The following KCNH1 variants were observed in gnomAD, a reference collection of about 807,000 sequenced individuals.
KCNH1 encodes the protein potassium voltage-gated channel subfamily H member 1, also known as voltage-gated delayed rectifier potassium channel KCNH1.
In KCNH1, 27 loss-of-function variants were observed where a neutral mutation model predicts 69.2. That is an observed-to-expected ratio of 0.39 (90% CI 0.29 to 0.54). The LOEUF (loss-of-function observed/expected upper bound fraction) is 0.54. Among genes scored for constraint, KCNH1 ranks in the 20% least tolerant of loss-of-function variants. The probability of loss-of-function intolerance (pLI) is 0.68; values close to 1 mark genes in which losing one functional copy is unlikely to be tolerated. For missense variants in KCNH1, 798 were observed against 1,261.6 expected, an observed-to-expected ratio of 0.63 and a Z score of 5.57; for synonymous variants, 456 against 487.7, an observed-to-expected ratio of 0.93 and a Z score of 0.86.
At chr1:210,957,319 G>A (rs1688198150) in intron 6 of KCNH1, among the ~76,000 whole-genome samples, 2 of 152,166 alleles carry the variant, frequency 1.3e-5, no homozygotes, top group East Asian at 1.9e-4. Context: ...TTGCTGAGGA[G>A]TCCTTTATGT....
chr1:210,785,866 A>G (rs1684090777), intron 9 of KCNH1, among the ~76,000 whole-genome samples: 1 of 152,098 alleles, frequency 6.6e-6, no homozygotes, highest in African/African-American at 2.4e-5. Context: ...TATGGAGCAG[A>G]CCCGCATAGG....
At chr1:211,027,481 G>T (rs928886801) in intron 5 of KCNH1, among the ~76,000 whole-genome samples, 1 of 151,982 alleles carries the variant, frequency 6.6e-6, no homozygotes, top group Admixed American at 6.6e-5. Flanking sequence ...GTACATGCCT[G>T]TAGTTTCAGC....
intron 6 of KCNH1, among the ~76,000 whole-genome samples, chr1:210,999,861 T>C (rs145818532): frequency 0.013 from 2,003 of 152,278 alleles, 49 homozygotes; most frequent in African/African-American, 0.045. Flanking sequence ...TGGTTCAACA[T>C]ACCCAAACCA....
At chr1:211,035,820 T>G (rs1334456800) in intron 5 of KCNH1, among the ~76,000 whole-genome samples, 2 of 152,214 alleles carry the variant, frequency 1.3e-5, no homozygotes, top group African/African-American at 4.8e-5. Flanking sequence ...TAGTTAACTA[T>G]CTGGCTCCAA....
At chr1:210,947,751 T>G (rs189639698) in intron 6 of KCNH1, among the ~76,000 whole-genome samples, 1 of 152,138 alleles carries the variant, frequency 6.6e-6, no homozygotes, top group Admixed American at 6.5e-5. Context: ...TGGGCAAAAA[T>G]TATAAGTTAT....
rs1681345673 is a variant in KCNH1 at position 210,684,045 on chromosome 1, G to C, written c.2206C>G (p.Pro736Ala). ...AATCTCTGGAAGAGGCGCCGGACAG[G>C]GTGGTCCGGGGGCAAGATCAGGGGG... is the stretch of plus-strand genomic sequence containing the variant. ...EAPLILPPDH[P>A]VRRLFQRFRQ... The change falls in exon 11 of 11, where the codon CCT (proline) becomes GCT (alanine). Residue 736 changes from proline to alanine, a missense_variant. This residue lies in a region of KCNH1 where 331 missense variants were observed against 363.2 expected (regional missense o/e 0.91). Coordinates refer to ENST00000271751, the MANE Select transcript of KCNH1 (RefSeq NM_172362.3). 6.4e-7 allele frequency: 1 copy of C among 1,555,710 alleles called. No homozygotes were observed. The highest frequency in any genetic ancestry group is 8.7e-7 in the Non-Finnish European group (1 of 1,148,494).
intron 6 of KCNH1, among the ~76,000 whole-genome samples, chr1:210,956,224 G>T (rs1044543886): frequency 8.5e-5 from 13 of 152,166 alleles, no homozygotes; most frequent in Non-Finnish European, 1.8e-4. Flanking sequence ...TGAGTATGTT[G>T]AATAAGACTT....
In KCNH1 at chr1:211,089,320, C is replaced by A. The variant is rs1052921317; in HGVS notation, c.439+1242G>T. On this transcript the variant is annotated intron_variant, in intron 4 of 10. Coordinates refer to ENST00000271751, the MANE Select transcript of KCNH1 (RefSeq NM_172362.3). ...TTCAAATTAGAAACTAGAAATCTGGCAATCATGAATCTGTAAGAAAAGGGA... is the reference window on the plus strand; with the variant it reads ...TTCAAATTAGAAACTAGAAATCTGGAAATCATGAATCTGTAAGAAAAGGGA... 2.0e-5 allele frequency among the ~76,000 whole-genome samples: 3 copies of A among 152,252 alleles called. No homozygotes were observed. In the East Asian group the frequency reaches 5.8e-4, roughly 29 times the overall value.
chr1:210,707,964 T>C (rs1423449206), intron 10 of KCNH1, among the ~76,000 whole-genome samples: 3 of 152,242 alleles, frequency 2.0e-5, no homozygotes, highest in Non-Finnish European at 4.4e-5. Flanking sequence ...TTAGCTATGA[T>C]ACTGGTGTAT....
At chr1:210,996,556 G>A (rs935630830) in intron 6 of KCNH1, among the ~76,000 whole-genome samples, 5 of 152,206 alleles carry the variant, frequency 3.3e-5, no homozygotes, top group Non-Finnish European at 5.9e-5. Context: ...CACCTCTAGG[G>A]GCAGGGCACA....
chr1:210,843,984 T>A (rs931994800), intron 7 of KCNH1, among the ~76,000 whole-genome samples: 6 of 152,148 alleles, frequency 3.9e-5, no homozygotes, highest in African/African-American at 1.2e-4. Context: ...TTCCCAAAGA[T>A]GCTGATTTAC....
intron 5 of KCNH1, among the ~76,000 whole-genome samples, chr1:211,049,845 A>G (rs931865957): frequency 1.1e-4 from 17 of 152,128 alleles, no homozygotes; most frequent in African/African-American, 3.6e-4. Context: ...GGGCCCTAAC[A>G]AGGGTCGCCA....
At chr1:210,781,524 CCT>C (rs1683985835) in intron 9 of KCNH1, among the ~76,000 whole-genome samples, 1 of 152,092 alleles carries the variant, frequency 6.6e-6, no homozygotes, top group Non-Finnish European at 1.5e-5. Context: ...GAAGGGGCAT[CCT>C]CTCTCCTGGC....
chr1:210,981,299 T>C (rs1688703890), intron 6 of KCNH1, among the ~76,000 whole-genome samples: 1 of 148,388 alleles, frequency 6.7e-6, no homozygotes, highest in African/African-American at 2.5e-5. Flanking sequence ...ATTAGAGACA[T>C]GATTGCTTCA....
intron 4 of KCNH1, among the ~76,000 whole-genome samples, chr1:211,085,220 T>C (rs1329484335): frequency 6.6e-6 from 1 of 152,000 alleles, no homozygotes; most frequent in Non-Finnish European, 1.5e-5. Context: ...GAACAAGACA[T>C]TCTGAATGGC....
chr1:210,744,733 C>T lies in KCNH1; in HGVS notation c.2112+30615G>A, dbSNP rs1400988206. On this transcript the variant is annotated intron_variant, in intron 10 of 10. Coordinates refer to ENST00000271751, the MANE Select transcript of KCNH1 (RefSeq NM_172362.3). ...TAATTCAGTTGATCTAGGGTGGGGTCATGAATTTACCTTTTTAATGAGGAA... is the reference window on the plus strand; with the variant it reads ...TAATTCAGTTGATCTAGGGTGGGGTTATGAATTTACCTTTTTAATGAGGAA... Among the ~76,000 whole-genome samples, 4 of 152,114 alleles carry T rather than the reference C, an allele frequency of 2.6e-5. 1 individual carries two copies. Among genetic ancestry groups the T allele is most frequent in the Admixed American group, 2.6e-4 (4 of 15,274 alleles).
intron 10 of KCNH1, among the ~76,000 whole-genome samples, chr1:210,733,964 C>T (rs1682808190): frequency 6.7e-6 from 1 of 148,176 alleles, no homozygotes; most frequent in African/African-American, 2.6e-5. Flanking sequence ...CACACACACA[C>T]ACACACACAC....
At chr1:210,967,269 C>T (rs1053334905) in intron 6 of KCNH1, among the ~76,000 whole-genome samples, 1 of 152,016 alleles carries the variant, frequency 6.6e-6, no homozygotes, top group Non-Finnish European at 1.5e-5. Flanking sequence ...ATGTGTATAC[C>T]TATGCAACAA....
intron 10 of KCNH1, among the ~76,000 whole-genome samples, chr1:210,696,898 G>C (rs1169020136): frequency 1.3e-5 from 2 of 152,188 alleles, no homozygotes; most frequent in African/African-American, 2.4e-5. Flanking sequence ...ATCATCACCT[G>C]CCCAACTGTG....
Sources: allele counts gnomAD v4.1 joint callset (sites outside exome capture counted in the v4.1 genomes callset), GRCh38; gene constraint gnomAD v4.1.1; regional missense constraint gnomAD v4.1.1; transcripts MANE v1.5; gene names NCBI Gene and HGNC (gene_info 2026-07-23, HGNC 2026-07-21).